Variants in ECHDC2 observed in about 807,000 individuals in gnomAD.
ECHDC2 encodes the protein enoyl-CoA hydratase domain-containing protein 2, mitochondrial.
In ECHDC2, 34 loss-of-function variants were observed where a neutral mutation model predicts 40.6. The ratio of observed to expected loss-of-function variants is 0.84; its 90% CI spans 0.64 to 1.11. The LOEUF is 1.11. ECHDC2 is among the 50% of genes most tolerant of loss of function. The pLI is 0.00. For missense variants in ECHDC2, 392 were observed against 400.7 expected (o/e 0.98, Z 0.19); for synonymous variants, 162 against 166.6 (o/e 0.97, Z 0.21).
chr1:52,899,031 A>T (rs1182121764), intron 8 of ECHDC2, 143 bp downstream of exon 8: 5 of 807,866 alleles, frequency 6.2e-6, no homozygotes, highest in Non-Finnish European at 1.1e-5. Flanking sequence ...AAACTGACGT[A>T]GAGCACGAGG....
intron 8 of ECHDC2, chr1:52,898,217 T>A (rs1357669393): frequency 6.6e-6 from 1 of 152,320 alleles, no homozygotes; most frequent in Non-Finnish European, 1.5e-5. Context: ...CATTTTATTT[T>A]ATTTATTTAT....
intron 7 of ECHDC2, among the ~76,000 whole-genome samples, chr1:52,903,619 GC>G (rs1647138838): frequency 6.6e-6 from 1 of 151,514 alleles, no homozygotes; most frequent in Non-Finnish European, 1.5e-5. Context: ...CATGAGCCTG[GC>G]CCGTCACGGT....
At chr1:52,921,466 C>A in intron 1 of ECHDC2, 87 bp downstream of exon 1, 2 of 1,490,210 alleles carry the variant, frequency 1.3e-6, no homozygotes, top group Non-Finnish European at 1.8e-6. Flanking sequence ...AATCCTTCAA[C>A]GCACTGAGCG....
intron 1 of ECHDC2, chr1:52,912,708 T>C (rs1649834190): frequency 1.3e-5 from 2 of 152,128 alleles, no homozygotes; most frequent in African/African-American, 2.4e-5. Context: ...CCTCTGTGTA[T>C]TTCTTTATAA....
chr1:52,910,172 G>T (rs1455041499), intron 3 of ECHDC2, among the ~76,000 whole-genome samples: 1 of 151,848 alleles, frequency 6.6e-6, no homozygotes, highest in African/African-American at 2.4e-5. Flanking sequence ...TGGAGGGGAA[G>T]GGGGAATGGG....
rs1646650523 is a variant in ECHDC2, at chr1:52,896,611, C to T, written c.802-14G>A. ...GGTTGGAATATTCTGCAACAAGGTA[C>T]AAAATATTAGTTTTGGGGGAGCAGG... On this transcript the variant is annotated splice_polypyrimidine_tract_variant and intron_variant, in intron 9 of 9. Transcript: ENST00000371522. The T allele has an allele frequency of 1.2e-6, 2 of 1,611,958 alleles. No individual in the cohort carries two copies. The highest frequency in any genetic ancestry group is 1.1e-5 in the South Asian group (1 of 91,030).
intron 1 of ECHDC2, among the ~76,000 whole-genome samples, chr1:52,919,399 GC>G (rs1051962370): frequency 2.0e-5 from 3 of 152,164 alleles, no homozygotes; most frequent in Admixed American, 2.0e-4. Context: ...ACAGTATTCA[GC>G]CCGGTACCAT....
rs757933799 is a variant in ECHDC2, at chr1:52,897,486, T to G, written c.754-2A>C. 2 of 1,614,194 alleles carry G rather than the reference T, an allele frequency of 1.2e-6. No individual in the cohort carries two copies. Among genetic ancestry groups the G allele is most frequent in the South Asian group, 2.2e-5 (2 of 91,086 alleles). ...GGCCATCCCAGATGCAATGTCCACC[T>G]GCAAGAAAGACGTGCTCCCTGGATT... On this transcript the variant is annotated splice_acceptor_variant, in intron 8 of 9. Transcript: ENST00000371522. LOFTEE classifies it high-confidence loss of function.
In ECHDC2 at chr1:52,914,022, T is replaced by A; in HGVS notation, c.122-2232A>T. 9 of 1,231,350 alleles carry A rather than the reference T, an allele frequency of 7.3e-6. No homozygotes were observed. The highest frequency in any genetic ancestry group is 9.5e-6 in the Non-Finnish European group (9 of 946,078). The allele number at this position is 1,231,350 out of a possible 1,614,324, so 76.3% of individuals were successfully genotyped here. On this transcript the variant is annotated intron_variant, in intron 1 of 9. Coordinates refer to ENST00000371522, the MANE Select transcript of ECHDC2 (RefSeq NM_001198961.2). This position sits in a 1 kb window ranked among gnomAD's most constrained non-coding sequence, Gnocchi z 4.0. ...TTTGTACATTTATATATTTGCTGTG[T>A]GCTGGCCTCTACTAGACACCGTGAT...
At position 52,896,515 on chromosome 1, in the gene ECHDC2, G is replaced by A. The variant is rs1429022261; in HGVS notation, c.*5C>T. The A allele has an allele frequency of 3.7e-6, 6 of 1,612,306 alleles. No homozygotes were observed. On this transcript the variant is annotated 3_prime_UTR_variant, in exon 10 of 10. Coordinates refer to ENST00000371522, the MANE Select transcript of ECHDC2 (RefSeq NM_001198961.2). The stretch of plus-strand genomic sequence containing the variant: ...CATCTCCCATGCTGAAGGTTAAAAT[G>A]GGGGTCATTTGCCAACAAATTTGGG...
intron 1 of ECHDC2, chr1:52,912,951 G>T (rs1256965623): frequency 4.0e-4 from 61 of 152,200 alleles, no homozygotes; most frequent in Admixed American, 3.9e-3. Flanking sequence ...CTCTAAAAGT[G>T]CTGGGATTAC....
intron 1 of ECHDC2, chr1:52,920,393 GC>G (rs747338240): frequency 2.7e-6 from 2 of 740,824 alleles, no homozygotes; most frequent in Non-Finnish European, 4.7e-6. Context: ...TGGGGAAGGG[GC>G]GGCAGGCGCC....
chr1:52,912,691 G>A (rs1307152867), intron 1 of ECHDC2: 1 of 151,920 alleles, frequency 6.6e-6, no homozygotes, highest in East Asian at 1.9e-4. Context: ...TTGACTTATA[G>A]TAATCACCTC....
At chr1:52,905,290 T>C in intron 5 of ECHDC2, 200 bp from the exon 6 acceptor site, 1 of 596,172 alleles carries the variant, frequency 1.7e-6, no homozygotes, top group Non-Finnish European at 3.0e-6. Flanking sequence ...TATTTCACCA[T>C]GCCCCTTTGA....
chr1:52,912,071 T>A, intron 1 of ECHDC2: 1 of 1,361,208 alleles, frequency 7.3e-7, no homozygotes, highest in Non-Finnish European at 9.5e-7. Context: ...ACAGTAGCCC[T>A]TGCCTGCTTC....
intron 1 of ECHDC2, among the ~76,000 whole-genome samples, chr1:52,918,230 T>C (rs1651126352): frequency 6.6e-6 from 1 of 152,030 alleles, no homozygotes; most frequent in South Asian, 2.1e-4. Context: ...TCACTATGTT[T>C]CCCAGGCTGG....
Position 52,914,187 on chromosome 1 carries a change from G to T in ECHDC2, c.122-2397C>A. 4.6e-6 allele frequency: 2 copies of T among 433,904 alleles called. No homozygotes were observed. Among genetic ancestry groups the T allele is most frequent in the South Asian group, 3.3e-5 (2 of 60,234 alleles). 26.9% of individuals were successfully genotyped at this position (433,904 alleles called of 1,614,324 possible). On this transcript the variant is annotated intron_variant, in intron 1 of 9. Coordinates refer to ENST00000371522, the MANE Select transcript of ECHDC2 (RefSeq NM_001198961.2). The surrounding 1 kb of genome is among the most constrained non-coding windows in gnomAD (Gnocchi z 4.0). ...AAGTAAGGGGCCTCCAGTGGGCAGA[G>T]GGGAGCCCTAGTATAGAAGGTCAGC...
At chr1:52,915,164 A>G (rs1487987548) in intron 1 of ECHDC2, 5 of 454,794 alleles carry the variant, frequency 1.1e-5, no homozygotes, top group South Asian at 4.7e-5. Context: ...TTCTCCTCCT[A>G]CGAAAAATCA....
In ECHDC2 at chr1:52,914,034, C is replaced by T. The variant is rs1271635446; in HGVS notation, c.122-2244G>A. 2 of 1,181,016 alleles carry T rather than the reference C, an allele frequency of 1.7e-6. No homozygotes were observed. The highest frequency in any genetic ancestry group is 5.7e-5 in the East Asian group (1 of 17,458). 73.2% of individuals were successfully genotyped at this position (1,181,016 alleles called of 1,614,324 possible). ...TATATTTGCTGTGTGCTGGCCTCTACTAGACACCGTGATTCCAGAGACCAG... is the reference window on the plus strand; with the variant it reads ...TATATTTGCTGTGTGCTGGCCTCTATTAGACACCGTGATTCCAGAGACCAG... On this transcript the variant is annotated intron_variant, in intron 1 of 9. Transcript: ENST00000371522. This position sits in a 1 kb window ranked among gnomAD's most constrained non-coding sequence, Gnocchi z 4.0.
Sources: allele counts gnomAD v4.1 joint callset (sites outside exome capture counted in the v4.1 genomes callset), GRCh38; gene constraint gnomAD v4.1.1; non-coding constraint Gnocchi (gnomAD v3.1); transcripts MANE v1.5; gene names NCBI Gene and HGNC (gene_info 2026-07-23, HGNC 2026-07-21).